CSMD1: variants seen among roughly 807,000 people sequenced by gnomAD.
CSMD1 encodes CUB and Sushi multiple domains 1.
In CSMD1, 213 loss-of-function variants were observed where a neutral mutation model predicts 417.5. The ratio of observed to expected loss-of-function variants is 0.51; its 90% CI spans 0.46 to 0.57. CSMD1 has a LOEUF of 0.57. Ranked by LOEUF, CSMD1 falls within the 20% of genes least tolerant of loss-of-function variation. CSMD1 has a pLI of 0.00. For synonymous variants in CSMD1, 2,862 were observed against 1,736.8 expected (o/e 1.65, Z -16.11); for missense variants, 6,923 against 4,529.7 (o/e 1.53, Z -15.17).
intron 3 of CSMD1, among the ~76,000 whole-genome samples, chr8:4,347,602 G>C (rs895036504): frequency 2.0e-5 from 3 of 152,080 alleles, no homozygotes; most frequent in African/African-American, 7.2e-5. Flanking sequence ...GTAGATATTG[G>C]CCATCTGCTC....
chr8:4,003,772 T>C (rs1815888253), intron 4 of CSMD1, among the ~76,000 whole-genome samples: 2 of 152,196 alleles, frequency 1.3e-5, no homozygotes, highest in Admixed American at 1.3e-4. Context: ...GCCGGCAAAT[T>C]ACTCAACTTA....
At chr8:4,582,976 G>C (rs977138138) in intron 2 of CSMD1, among the ~76,000 whole-genome samples, 15 of 152,214 alleles carry the variant, frequency 9.9e-5, no homozygotes, top group Non-Finnish European at 2.1e-4. Context: ...ACCCGGGCCA[G>C]TGGCTGCGGA....
At chr8:4,875,620 G>C (rs1440742782) in intron 1 of CSMD1, among the ~76,000 whole-genome samples, 2 of 152,030 alleles carry the variant, frequency 1.3e-5, no homozygotes, top group Non-Finnish European at 2.9e-5. Flanking sequence ...TGAGTTGTTT[G>C]CAATAGGATA....
At chr8:3,310,001 T>C (rs1025732091) in intron 23 of CSMD1, among the ~76,000 whole-genome samples, 1 of 152,208 alleles carries the variant, frequency 6.6e-6, no homozygotes, top group South Asian at 2.1e-4. Flanking sequence ...CCTGATCTAT[T>C]TAAGAGACAC....
intron 3 of CSMD1, among the ~76,000 whole-genome samples, chr8:4,041,269 G>A (rs111594729): frequency 0.055 from 8,064 of 145,442 alleles, 639 homozygotes; most frequent in African/African-American, 0.18. Flanking sequence ...CGCCCGCCTC[G>A]GCCTCCCAAA....
chr8:4,139,692 A>G (rs909132482), intron 3 of CSMD1, among the ~76,000 whole-genome samples: 11 of 151,120 alleles, frequency 7.3e-5, no homozygotes, highest in Non-Finnish European at 1.6e-4. Context: ...CAAATGTTAG[A>G]ATGATGATTT....
chr8:3,069,594 T>TG (rs1160055609), intron 49 of CSMD1, among the ~76,000 whole-genome samples: 2 of 152,160 alleles, frequency 1.3e-5, no homozygotes, highest in Non-Finnish European at 2.9e-5. Context: ...CGCAAGGCCT[T>TG]GGGCAGCTTT....
intron 2 of CSMD1, among the ~76,000 whole-genome samples, chr8:4,540,239 G>A (rs1053938780): frequency 1.3e-5 from 2 of 152,066 alleles, no homozygotes; most frequent in African/African-American, 2.4e-5. Flanking sequence ...CAGATAATGT[G>A]GTAGATTCCA....
intron 2 of CSMD1, among the ~76,000 whole-genome samples, chr8:4,584,023 C>A (rs887881388): frequency 1.3e-5 from 2 of 151,952 alleles, no homozygotes; most frequent in Non-Finnish European, 2.9e-5. Flanking sequence ...CCAGATGCGC[C>A]GCCTTAAGAG....
At chr8:3,350,544 T>C (rs1585038271) in intron 21 of CSMD1, among the ~76,000 whole-genome samples, 1 of 152,196 alleles carries the variant, frequency 6.6e-6, no homozygotes, top group Non-Finnish European at 1.5e-5. Context: ...TTACATGTAC[T>C]TTAAAATTAA....
intron 3 of CSMD1, among the ~76,000 whole-genome samples, chr8:4,404,565 T>G (rs1015818155): frequency 6.6e-6 from 1 of 152,178 alleles, no homozygotes; most frequent in Admixed American, 6.6e-5. Context: ...TGAACATTTT[T>G]AAAACTCACT....
rs933678370 is a variant in CSMD1 at position 4,717,435 on chromosome 8, C to T, written c.86-79877G>A. Reference sequence around the variant, plus strand: ...CACACACACTATATATATACACATACACTATATATATACACACACTATATA... The same window carrying T: ...CACACACACTATATATATACACATATACTATATATATACACACACTATATA... On this transcript the variant is annotated intron_variant, in intron 1 of 69. Coordinates refer to ENST00000635120, the MANE Select transcript of CSMD1 (RefSeq NM_033225.6). Among the ~76,000 whole-genome samples the T allele has an allele frequency of 4.6e-5, 7 of 150,558 alleles. No homozygotes were observed. In the East Asian group the frequency reaches 1.4e-3, roughly 30 times the overall value.
At chr8:4,779,907 C>CTT (rs1222883064) in intron 1 of CSMD1, among the ~76,000 whole-genome samples, 4 of 146,544 alleles carry the variant, frequency 2.7e-5, no homozygotes, top group East Asian at 2.0e-4. Flanking sequence ...TTTCTTTTTT[C>CTT]TTTTTTTTTT....
chr8:4,595,387 C>CTTTTTTTTTTTTTTTTTTTT, intron 2 of CSMD1, among the ~76,000 whole-genome samples: 11 of 147,414 alleles, frequency 7.5e-5, no homozygotes, highest in South Asian at 2.2e-4. Context: ...CATTCATTTT[C>CTTTTTTTTTTTTTTTTTTTT]ATTCCATCCA....
chr8:2,965,382 C>T (rs771185134), intron 59 of CSMD1, among the ~76,000 whole-genome samples: 9 of 152,136 alleles, frequency 5.9e-5, no homozygotes, highest in Admixed American at 1.3e-4. Flanking sequence ...GTGATTGGCT[C>T]GTCTCTCCAA....
chr8:4,516,673 A>G (rs1225378579), intron 2 of CSMD1, among the ~76,000 whole-genome samples: 1 of 152,104 alleles, frequency 6.6e-6, no homozygotes, highest in Admixed American at 6.6e-5. Context: ...TATCTTTTCC[A>G]TGATCAGCCC....
At chr8:4,296,694 G>T (rs891793787) in intron 3 of CSMD1, among the ~76,000 whole-genome samples, 1 of 80,418 alleles carries the variant, frequency 1.2e-5, no homozygotes, top group South Asian at 6.4e-4. Flanking sequence ...ACGAAAATAA[G>T]GGTTTTTTTT....
At chr8:3,853,040 C>G (rs1804023573) in intron 5 of CSMD1, among the ~76,000 whole-genome samples, 1 of 152,156 alleles carries the variant, frequency 6.6e-6, no homozygotes, top group Non-Finnish European at 1.5e-5. Flanking sequence ...CTCCCGTCCT[C>G]ATGTCATCAG....
chr8:4,553,526 G>T (rs1487562723), intron 2 of CSMD1, among the ~76,000 whole-genome samples: 1 of 147,558 alleles, frequency 6.8e-6, no homozygotes, highest in Non-Finnish European at 1.5e-5. Flanking sequence ...GAGTTTTGAT[G>T]TTCTTTATGT....
Sources: gnomAD v4.1 joint callset for allele counts (sites outside exome capture counted in the v4.1 genomes callset) on GRCh38, gnomAD v4.1.1 for gene constraint, MANE v1.5 for transcripts, NCBI Gene and HGNC (gene_info 2026-07-23, HGNC 2026-07-21) for gene names.